Variants in LRIG1 observed in about 807,000 individuals in gnomAD.
LRIG1 encodes the protein leucine rich repeats and immunoglobulin like domains 1, also known as leucine-rich repeats and immunoglobulin-like domains protein 1.
Under a neutral mutation model 99.2 loss-of-function variants are expected in LRIG1, and 48 were observed. That is an observed-to-expected ratio of 0.48 (90% confidence interval 0.38 to 0.62). LRIG1 has a LOEUF of 0.62. LRIG1 is among the 20% of genes least tolerant of loss of function. The probability of loss-of-function intolerance (pLI) is 0.00; values close to 1 mark genes in which losing one functional copy is unlikely to be tolerated. For synonymous variants in LRIG1, 772 were observed against 596.1 expected (o/e 1.29, Z -4.30); for missense variants, 1,646 against 1,434.4 (o/e 1.15, Z -2.38).
chr3:66,456,887 A>G (rs901800402), intron 2 of LRIG1, among the ~76,000 whole-genome samples: 1 of 152,182 alleles, frequency 6.6e-6, no homozygotes, highest in Non-Finnish European at 1.5e-5. Flanking sequence ...AGGACTGTAT[A>G]AATAGCCCCT....
chr3:66,415,974 G>A (rs946518940), intron 4 of LRIG1, among the ~76,000 whole-genome samples: 15 of 152,188 alleles, frequency 9.9e-5, no homozygotes, highest in African/African-American at 3.4e-4. Context: ...TGTCTCTCCA[G>A]CAGATAGTGG....
At chr3:66,482,345 G>C (rs1474571319) in intron 1 of LRIG1, among the ~76,000 whole-genome samples, 1 of 152,240 alleles carries the variant, frequency 6.6e-6, no homozygotes, top group African/African-American at 2.4e-5. Flanking sequence ...AAAGACCACA[G>C]TGGAGGACAG....
chr3:66,399,661 A>G (rs1279162206), intron 9 of LRIG1, among the ~76,000 whole-genome samples: 2 of 152,170 alleles, frequency 1.3e-5, no homozygotes, highest in Non-Finnish European at 2.9e-5. Flanking sequence ...GTAGCTACTT[A>G]GAAGGCTGAG....
intron 3 of LRIG1, among the ~76,000 whole-genome samples, chr3:66,443,100 G>A (rs1029989193): frequency 3.3e-5 from 5 of 152,180 alleles, no homozygotes; most frequent in African/African-American, 9.7e-5. Flanking sequence ...GCAAGTGGCA[G>A]TCTGCACTAC....
chr3:66,443,882 G>T (rs1270107025), intron 3 of LRIG1, among the ~76,000 whole-genome samples: 3 of 152,194 alleles, frequency 2.0e-5, no homozygotes, highest in Non-Finnish European at 4.4e-5. Context: ...TTCCCAGGCT[G>T]GGAAAATGGG....
chr3:66,492,811 T>C (rs996376358), intron 1 of LRIG1, among the ~76,000 whole-genome samples: 2 of 152,134 alleles, frequency 1.3e-5, no homozygotes, highest in African/African-American at 2.4e-5. Context: ...CTAGATTAAA[T>C]AGTAATAAAG....
chr3:66,474,229 T>C (rs1292390936), intron 1 of LRIG1, among the ~76,000 whole-genome samples: 2 of 152,242 alleles, frequency 1.3e-5, no homozygotes, highest in African/African-American at 2.4e-5. Flanking sequence ...CTATGTCAAA[T>C]GGAAAACTGG....
intron 1 of LRIG1, among the ~76,000 whole-genome samples, chr3:66,488,765 T>G (rs1701033352): frequency 6.6e-6 from 1 of 152,166 alleles, no homozygotes; most frequent in South Asian, 2.1e-4. Flanking sequence ...GGCAGTGCAG[T>G]GAGTAGCTGC....
chr3:66,465,536 T>C (rs1012040895), intron 1 of LRIG1, among the ~76,000 whole-genome samples: 3 of 151,652 alleles, frequency 2.0e-5, no homozygotes, highest in Admixed American at 1.3e-4. Context: ...GCTAATTTTT[T>C]TGTATTTTTA....
chr3:66,384,442 C>T (rs942374149), intron 13 of LRIG1, among the ~76,000 whole-genome samples, 170 bp from the exon 14 acceptor site: 2 of 152,182 alleles, frequency 1.3e-5, no homozygotes, highest in Non-Finnish European at 2.9e-5. Flanking sequence ...CCCCCAGCTT[C>T]TCCCACCACA....
rs760692725 is a variant in LRIG1, at chr3:66,394,167, C to T, written c.1341G>A (p.Gln447=). 11 of 1,608,210 alleles carry T rather than the reference C, an allele frequency of 6.8e-6. No homozygotes were observed. The South Asian group carries it at 1.1e-4, about 16-fold the overall frequency. Residue 447 remains glutamine, a synonymous_variant, in exon 12 of 19, where the codon CAG becomes CAA. Transcript: ENST00000273261. ...ISSDSFLCDC[Q]LKWLPPWLIG... is the part of the protein sequence containing the mutation. ...TTAGCCACGGGGGCAGCCACTTCAG[C>T]TGGCAGTCACACAGGAAGCTGTCGC...
intron 12 of LRIG1, chr3:66,387,321 C>T (rs138651275): frequency 2.6e-5 from 4 of 151,942 alleles, no homozygotes; most frequent in Non-Finnish European, 5.9e-5. Context: ...CCAGGAAAGA[C>T]GTGAGGGGGT....
At chr3:66,473,914 A>T (rs1221865154) in intron 1 of LRIG1, among the ~76,000 whole-genome samples, 1 of 152,192 alleles carries the variant, frequency 6.6e-6, no homozygotes, top group Non-Finnish European at 1.5e-5. Flanking sequence ...GCTAAAGCCA[A>T]AAGGCTAAGT....
intron 1 of LRIG1, among the ~76,000 whole-genome samples, chr3:66,464,921 C>T (rs1004637695): frequency 2.0e-5 from 3 of 152,172 alleles, no homozygotes; most frequent in African/African-American, 7.2e-5. Flanking sequence ...CATTCCAGTA[C>T]TATCTAGAAG....
chr3:66,428,106 T>C (rs1444632552), intron 3 of LRIG1, among the ~76,000 whole-genome samples: 8 of 152,258 alleles, frequency 5.3e-5, no homozygotes, highest in Admixed American at 5.2e-4. Context: ...GGACTTGTCT[T>C]CTGCACTTGC....
chr3:66,405,184 C>T lies in LRIG1; in HGVS notation c.1160+14G>A, dbSNP rs760031136. 47 of 1,612,598 alleles carry T rather than the reference C, an allele frequency of 2.9e-5. No homozygotes were observed. The highest frequency in any genetic ancestry group is 3.5e-5 in the Non-Finnish European group (41 of 1,178,842). Reference sequence around the variant, plus strand: ...GCGCATTTGCCGGCGGAGCTCCGTGCGGCGGATACTCACAGCTTGCTGAGG... The same window carrying T: ...GCGCATTTGCCGGCGGAGCTCCGTGTGGCGGATACTCACAGCTTGCTGAGG... On this transcript the variant is annotated intron_variant, in intron 9 of 18. Coordinates refer to ENST00000273261, the MANE Select transcript of LRIG1 (RefSeq NM_015541.3).
intron 13 of LRIG1, among the ~76,000 whole-genome samples, chr3:66,384,630 G>T (rs1333177135): frequency 6.6e-6 from 1 of 152,068 alleles, no homozygotes; most frequent in Non-Finnish European, 1.5e-5. Context: ...AGAGGCTGTG[G>T]AGATGGAATT....
At chr3:66,463,207 T>C (rs1273631178) in intron 1 of LRIG1, among the ~76,000 whole-genome samples, 1 of 152,142 alleles carries the variant, frequency 6.6e-6, no homozygotes, top group Non-Finnish European at 1.5e-5. Context: ...AGACTAAAAA[T>C]TGCACAAATA....
chr3:66,459,413 T>C (rs1422936810), intron 2 of LRIG1, among the ~76,000 whole-genome samples: 1 of 152,242 alleles, frequency 6.6e-6, no homozygotes, highest in Non-Finnish European at 1.5e-5. Flanking sequence ...ACCTGGCCTC[T>C]GGCCACGCAC....
Sources: gnomAD v4.1 joint callset for allele counts (sites outside exome capture counted in the v4.1 genomes callset) on GRCh38, gnomAD v4.1.1 for gene constraint, MANE v1.5 for transcripts, NCBI Gene and HGNC (gene_info 2026-07-23, HGNC 2026-07-21) for gene names.